ETFA: variants seen among roughly 807,000 people sequenced by gnomAD.
ETFA encodes the protein electron transfer flavoprotein subunit alpha, also known as electron transfer flavoprotein subunit alpha, mitochondrial.
A neutral mutation model predicts 46.2 loss-of-function variants in ETFA; 22 were observed. That is an observed-to-expected ratio of 0.48 (90% CI 0.34 to 0.68). The LOEUF is 0.68. ETFA is among the 30% of genes least tolerant of loss of function. The probability of loss-of-function intolerance (pLI) is 0.01; values close to 1 mark genes in which losing one functional copy is unlikely to be tolerated. For missense variants in ETFA, 345 were observed against 401.1 expected (o/e 0.86, Z 1.19); for synonymous variants, 131 against 139.9 (o/e 0.94, Z 0.45).
chr15:76,308,678 T>C (rs565512030), intron 1 of ETFA, among the ~76,000 whole-genome samples: 1 of 152,258 alleles, frequency 6.6e-6, no homozygotes, highest in South Asian at 2.1e-4. Context: ...ACATCTAGAG[T>C]ATCTTAGACC....
chr15:76,260,783 A>G (rs80012725), intron 9 of ETFA: 298,640 of 1,519,566 alleles, frequency 0.2, 4 homozygotes, highest in Non-Finnish European at 0.22. Context: ...AGTCAGCATA[A>G]GGAGAGGGCC....
chr15:76,297,883 C>T (rs538094260), intron 1 of ETFA, among the ~76,000 whole-genome samples: 1 of 152,050 alleles, frequency 6.6e-6, no homozygotes, highest in African/African-American at 2.4e-5. Flanking sequence ...TCTCAGATAC[C>T]ACCTAGAGAG....
chr15:76,219,605 T>C (rs1192056196), intron 11 of ETFA, among the ~76,000 whole-genome samples: 2 of 152,178 alleles, frequency 1.3e-5, no homozygotes, highest in Non-Finnish European at 2.9e-5. Flanking sequence ...CCAGAATATG[T>C]AAAGAATTCA....
chr15:76,260,326 C>G, intron 9 of ETFA: 1 of 1,327,854 alleles, frequency 7.5e-7, no homozygotes. Context: ...AAGCCTTGCC[C>G]AAACCACGTC....
intron 11 of ETFA, among the ~76,000 whole-genome samples, chr15:76,225,202 T>C (rs1052596720): frequency 2.6e-5 from 4 of 152,226 alleles, no homozygotes; most frequent in Non-Finnish European, 5.9e-5. Context: ...CTGCCAAATA[T>C]GATTCCAGGT....
At chr15:76,305,868 T>TTTTC (rs1387269697) in intron 1 of ETFA, among the ~76,000 whole-genome samples, 1 of 151,826 alleles carries the variant, frequency 6.6e-6, no homozygotes, top group Admixed American at 6.6e-5. Flanking sequence ...AGTTGTTTTT[T>TTTTC]TTTTTTTCTT....
chr15:76,223,991 A>G (rs1163787590), intron 11 of ETFA, among the ~76,000 whole-genome samples: 1 of 152,258 alleles, frequency 6.6e-6, no homozygotes, highest in Non-Finnish European at 1.5e-5. Flanking sequence ...AAATGTAACA[A>G]AATTACTTAC....
chr15:76,285,070 A>G (rs537891355), intron 7 of ETFA: 2 of 231,618 alleles, frequency 8.6e-6, no homozygotes, highest in South Asian at 3.9e-5. Context: ...TTTAAAAAGC[A>G]TAACAGTCCT....
chr15:76,290,310 C>A (rs1452777651), intron 4 of ETFA, among the ~76,000 whole-genome samples: 6 of 144,422 alleles, frequency 4.2e-5, no homozygotes, highest in Non-Finnish European at 9.0e-5. Context: ...AAAAGAGAAA[C>A]ATTATGAGCC....
At chr15:76,222,239 T>C (rs1023688631) in intron 11 of ETFA, among the ~76,000 whole-genome samples, 7 of 148,458 alleles carry the variant, frequency 4.7e-5, no homozygotes, top group Non-Finnish European at 8.9e-5. Flanking sequence ...AAAATATAAT[T>C]ACAATACATA....
intron 7 of ETFA, chr15:76,284,541 A>G: frequency 5.4e-6 from 1 of 183,754 alleles, no homozygotes; most frequent in South Asian, 1.3e-4. Context: ...CCCAGGCTGA[A>G]ATGCAATGGT....
At chr15:76,283,900 A>G in intron 7 of ETFA, 75 bp from the exon 8 acceptor site, 1 of 1,048,420 alleles carries the variant, frequency 9.5e-7, no homozygotes, top group Non-Finnish European at 1.5e-6. Flanking sequence ...TATTTTATAT[A>G]CTGGAGTAAA....
chr15:76,310,068 C>CCAAAAAAAAAA (rs2039977519), intron 1 of ETFA: 1 of 71,920 alleles, frequency 1.4e-5, no homozygotes, highest in African/African-American at 5.1e-5. Flanking sequence ...CCCGTCTCTA[C>CCAAAAAAAAAA]AAAAAAAAAA....
intron 8 of ETFA, among the ~76,000 whole-genome samples, chr15:76,278,225 T>C (rs906207516): frequency 6.6e-6 from 1 of 152,194 alleles, no homozygotes; most frequent in African/African-American, 2.4e-5. Flanking sequence ...CTAGACATTT[T>C]CTTTACCAAG....
chr15:76,247,695 A>G (rs2039256797), intron 9 of ETFA, among the ~76,000 whole-genome samples: 1 of 152,206 alleles, frequency 6.6e-6, no homozygotes, highest in Non-Finnish European at 1.5e-5. Flanking sequence ...ACATTATGGT[A>G]CGTGTTTGGA....
chr15:76,295,862 TA>T (rs1270084151), intron 1 of ETFA, 125 bp from the exon 2 acceptor site: 1 of 563,698 alleles, frequency 1.8e-6, no homozygotes, highest in Non-Finnish European at 2.9e-6. Flanking sequence ...TATTATTCTA[TA>T]AATTTATTTA....
At chr15:76,274,978 C>T (rs1258295537) in intron 8 of ETFA, among the ~76,000 whole-genome samples, 1 of 152,098 alleles carries the variant, frequency 6.6e-6, no homozygotes. Context: ...CCTTCCCCAG[C>T]AGGAGTCAAG....
chr15:76,272,664 C>A (rs1302674310), intron 9 of ETFA, among the ~76,000 whole-genome samples: 1 of 151,934 alleles, frequency 6.6e-6, no homozygotes, highest in East Asian at 1.9e-4. Context: ...GTGGCACATA[C>A]CTGCAGTCCC....
chr15:76,229,399 T>C (rs756348174), intron 10 of ETFA, among the ~76,000 whole-genome samples: 5 of 152,340 alleles, frequency 3.3e-5, no homozygotes, highest in Middle Eastern at 3.4e-3. Flanking sequence ...ACCAGTCTCC[T>C]TACTTCAACT....
Sources: allele counts gnomAD v4.1 joint callset (sites outside exome capture counted in the v4.1 genomes callset), GRCh38; gene constraint gnomAD v4.1.1; transcripts MANE v1.5; gene names NCBI Gene and HGNC (gene_info 2026-07-23, HGNC 2026-07-21).